CDH18: variants seen among roughly 807,000 people sequenced by gnomAD.
CDH18 encodes the protein cadherin-18.
A neutral mutation model predicts 67.9 loss-of-function variants in CDH18; 31 were observed. The observed-to-expected ratio is 0.46, with a 90% CI of 0.34 to 0.62. CDH18 has a LOEUF of 0.62. CDH18 is among the 20% of genes least tolerant of loss of function. The probability of loss-of-function intolerance (pLI) is 0.01; values close to 1 mark genes in which losing one functional copy is unlikely to be tolerated. For missense variants in CDH18, 890 were observed against 975.5 expected (o/e 0.91, Z 1.17); for synonymous variants, 362 against 347.2 (o/e 1.04, Z -0.48).
Position 20,549,803 on chromosome 5 carries a change from A to G in CDH18, c.-580+25659T>C, listed in dbSNP as rs149516868. ...GGATAGAGAGCTCTAGAAGTCTAGTAGGATCCATGGGGACATATAAAAATG... is the reference window on the plus strand; with the variant it reads ...GGATAGAGAGCTCTAGAAGTCTAGTGGGATCCATGGGGACATATAAAAATG... On this transcript the variant is annotated intron_variant, in intron 1 of 14. Transcript: ENST00000507958. Among the ~76,000 whole-genome samples the G allele has an allele frequency of 4.4e-3, 666 of 152,268 alleles. 3 individuals are homozygous for G. Among genetic ancestry groups the G allele is most frequent in the African/African-American group, 0.015 (628 of 41,572 alleles).
intron 2 of CDH18, among the ~76,000 whole-genome samples, chr5:19,966,293 T>G (rs1447475312): frequency 6.6e-6 from 1 of 152,136 alleles, no homozygotes; most frequent in East Asian, 1.9e-4. Flanking sequence ...ATGCTCTTGC[T>G]CAGAGAGAAA....
chr5:20,303,971 G>A, intron 1 of CDH18: 2 of 827,392 alleles, frequency 2.4e-6, no homozygotes, highest in Admixed American at 2.1e-5. Context: ...TCAAAGAAGA[G>A]AAGAAAAACT....
At chr5:20,481,274 A>G (rs1384865306) in intron 1 of CDH18, among the ~76,000 whole-genome samples, 1 of 152,136 alleles carries the variant, frequency 6.6e-6, no homozygotes, top group Non-Finnish European at 1.5e-5. Context: ...CAATTCAGCA[A>G]AAGGACATAG....
At chr5:20,294,707 A>G (rs974474856) in intron 1 of CDH18, among the ~76,000 whole-genome samples, 1 of 152,176 alleles carries the variant, frequency 6.6e-6, no homozygotes, top group African/African-American at 2.4e-5. Flanking sequence ...TCTACAGTAC[A>G]TACTTTCTGT....
intron 1 of CDH18, among the ~76,000 whole-genome samples, chr5:20,296,390 T>C (rs961949092): frequency 2.0e-5 from 3 of 151,396 alleles, no homozygotes; most frequent in Non-Finnish European, 2.9e-5. Context: ...GCCTCCTGAG[T>C]AGCTGGGACT....
chr5:20,315,578 C>A (rs895940155), intron 1 of CDH18, among the ~76,000 whole-genome samples: 2 of 152,072 alleles, frequency 1.3e-5, no homozygotes, highest in Non-Finnish European at 2.9e-5. Context: ...GACTTCACCT[C>A]TTACCAATCT....
intron 3 of CDH18, among the ~76,000 whole-genome samples, chr5:19,835,686 G>A (rs924264288): frequency 6.6e-6 from 1 of 152,022 alleles, no homozygotes; most frequent in African/African-American, 2.4e-5. Flanking sequence ...GTTACAGGGG[G>A]TGTGTGGGAG....
At chr5:20,291,267 T>A (rs1747084260) in intron 1 of CDH18, among the ~76,000 whole-genome samples, 1 of 152,134 alleles carries the variant, frequency 6.6e-6, no homozygotes, top group Non-Finnish European at 1.5e-5. Context: ...AAATAGATGA[T>A]AGTTGATCCC....
chr5:20,569,482 C>T (rs976817577), intron 1 of CDH18, among the ~76,000 whole-genome samples: 7 of 151,892 alleles, frequency 4.6e-5, no homozygotes, highest in Non-Finnish European at 1.0e-4. Context: ...ATTAGCCAGG[C>T]GTGGTGTCAT....
chr5:20,473,466 G>A (rs114523013), intron 1 of CDH18, among the ~76,000 whole-genome samples: 1,546 of 151,986 alleles, frequency 0.01, 15 homozygotes, highest in Non-Finnish European at 0.017. Flanking sequence ...GGAAGGATGC[G>A]CTATGACTTC....
intron 2 of CDH18, among the ~76,000 whole-genome samples, chr5:19,893,616 C>T (rs1243854949): frequency 6.7e-6 from 1 of 149,926 alleles, no homozygotes; most frequent in Non-Finnish European, 1.5e-5. Flanking sequence ...ATTATTTAGC[C>T]TCACATTACA....
chr5:19,827,068 G>A (rs1405121145), intron 3 of CDH18, among the ~76,000 whole-genome samples: 1 of 152,120 alleles, frequency 6.6e-6, no homozygotes, highest in Non-Finnish European at 1.5e-5. Context: ...CAGAAAAAAA[G>A]TGAGGGTTGT....
intron 11 of CDH18, among the ~76,000 whole-genome samples, chr5:19,499,547 CAT>C (rs1742889372): frequency 6.6e-6 from 1 of 151,960 alleles, no homozygotes; most frequent in East Asian, 1.9e-4. Flanking sequence ...TTTATTTTGA[CAT>C]GAATTTTCTA....
intron 2 of CDH18, among the ~76,000 whole-genome samples, chr5:20,193,120 T>C (rs1037372569): frequency 1.3e-5 from 2 of 152,118 alleles, no homozygotes; most frequent in Non-Finnish European, 2.9e-5. Flanking sequence ...CAATTGTGAA[T>C]GGGAGTTCAT....
chr5:19,620,870 A>G (rs1750583281), intron 5 of CDH18, among the ~76,000 whole-genome samples: 1 of 152,128 alleles, frequency 6.6e-6, no homozygotes, highest in Non-Finnish European at 1.5e-5. Flanking sequence ...CCTTCAGCAC[A>G]ACTACTCCAT....
chr5:19,556,972 G>C (rs949537717), intron 8 of CDH18, among the ~76,000 whole-genome samples: 1 of 151,800 alleles, frequency 6.6e-6, no homozygotes, highest in African/African-American at 2.4e-5. Flanking sequence ...AGAAATTGAG[G>C]TCCTATCATT....
intron 2 of CDH18, among the ~76,000 whole-genome samples, chr5:19,849,869 T>C (rs1421467018): frequency 4.0e-5 from 6 of 151,478 alleles, no homozygotes; most frequent in Non-Finnish European, 4.4e-5. Flanking sequence ...ACCATTATCT[T>C]ATTACAGTTG....
chr5:19,847,406 C>T lies in CDH18; in HGVS notation c.-256-8164G>A, dbSNP rs139045504. 5.5e-3 allele frequency among the ~76,000 whole-genome samples: 839 copies of T among 152,124 alleles called. 8 individuals carry two copies. The highest frequency in any genetic ancestry group is 0.02 in the African/African-American group (814 of 41,532). ...TCAAATCTGCTATAGAACTTTTGCA[C>T]TAAAATTTTCAGTTTAGTTGTATTA... On this transcript the variant is annotated intron_variant, in intron 2 of 12. Coordinates refer to ENST00000382275, the MANE Select transcript of CDH18 (RefSeq NM_004934.5).
chr5:19,657,586 GTAATT>G (rs1432544747), intron 5 of CDH18, among the ~76,000 whole-genome samples: 1 of 152,048 alleles, frequency 6.6e-6, no homozygotes, highest in African/African-American at 2.4e-5. Context: ...GGTCTCTGAA[GTAATT>G]TAAAGTTTCA....
Sources: gnomAD v4.1 joint callset for allele counts (sites outside exome capture counted in the v4.1 genomes callset) on GRCh38, gnomAD v4.1.1 for gene constraint, MANE v1.5 for transcripts, NCBI Gene and HGNC (gene_info 2026-07-23, HGNC 2026-07-21) for gene names.